SCUBE1: variants seen among roughly 807,000 people sequenced by gnomAD.
SCUBE1 encodes signal peptide, CUB domain and EGF like domain containing 1.
A neutral mutation model predicts 124.4 loss-of-function variants in SCUBE1; 59 were observed. The observed-to-expected ratio is 0.47, with a 90% CI of 0.38 to 0.59. The LOEUF is 0.59. SCUBE1 is among the 20% of genes least tolerant of loss of function. The probability of loss-of-function intolerance (pLI) is 0.00; values close to 1 mark genes in which losing one functional copy is unlikely to be tolerated. For synonymous variants in SCUBE1, 545 were observed against 550.9 expected, an observed-to-expected ratio of 0.99 and a Z score of 0.15; for missense variants, 1,150 against 1,371.2, an observed-to-expected ratio of 0.84 and a Z score of 2.55.
At chr22:43,207,418 T>C in intron 21 of SCUBE1, 116 bp downstream of exon 21, 1 of 790,436 alleles carries the variant, frequency 1.3e-6, no homozygotes. Context: ...TCCTCTCCCA[T>C]CACCACCCAC....
intron 4 of SCUBE1, among the ~76,000 whole-genome samples, chr22:43,277,001 A>T (rs975131075): frequency 2.6e-5 from 4 of 152,200 alleles, no homozygotes; most frequent in African/African-American, 9.7e-5. Flanking sequence ...GTCCAAGGGC[A>T]TATCCTCACT....
At chr22:43,304,201 A>G (rs1460277796) in intron 3 of SCUBE1, among the ~76,000 whole-genome samples, 2 of 152,244 alleles carry the variant, frequency 1.3e-5, no homozygotes, top group African/African-American at 4.8e-5. Context: ...CCTGCCGTAC[A>G]GCATCTGCAC....
intron 7 of SCUBE1, among the ~76,000 whole-genome samples, chr22:43,235,350 G>A (rs1922716552): frequency 6.6e-6 from 1 of 152,086 alleles, no homozygotes; most frequent in Non-Finnish European, 1.5e-5. Flanking sequence ...CTCACGTGGG[G>A]GACCATGTAG....
intron 4 of SCUBE1, among the ~76,000 whole-genome samples, chr22:43,286,738 C>T (rs572953232): frequency 3.9e-5 from 6 of 152,272 alleles, no homozygotes; most frequent in African/African-American, 1.4e-4. Context: ...GACCATGCCT[C>T]GGATCCTAGG....
In SCUBE1 at chr22:43,198,049, A is replaced by C. The variant is rs76738300; in HGVS notation, c.*5948T>G. ...TGATTCCCAAATCCAGGGACTACCA[A>C]CTCTTTGCCTTGGGCATGTCCTGTG... is the stretch of plus-strand genomic sequence containing the variant. On this transcript the variant is annotated 3_prime_UTR_variant, in exon 22 of 22. Transcript: ENST00000360835. 6,156 of 154,408 alleles carry C rather than the reference A, an allele frequency of 0.04. 163 individuals carry two copies. Among genetic ancestry groups the C allele is most frequent in the South Asian group, 0.089 (441 of 4,956 alleles). 9.6% of individuals were successfully genotyped at this position (154,408 alleles called of 1,614,324 possible).
chr22:43,265,836 A>G (rs1012667713), intron 4 of SCUBE1, among the ~76,000 whole-genome samples: 1 of 152,258 alleles, frequency 6.6e-6, no homozygotes, highest in Admixed American at 6.5e-5. Context: ...ATGGTGGCTC[A>G]CGCCTGTAAT....
At chr22:43,222,427 G>A (rs999063544) in intron 12 of SCUBE1, among the ~76,000 whole-genome samples, 5 of 152,350 alleles carry the variant, frequency 3.3e-5, no homozygotes, top group African/African-American at 1.2e-4. Flanking sequence ...GCCCTCCCAC[G>A]GTCCCCTGAC....
At chr22:43,254,000 A>G (rs751764208) in intron 6 of SCUBE1, among the ~76,000 whole-genome samples, 1 of 152,160 alleles carries the variant, frequency 6.6e-6, no homozygotes, top group Non-Finnish European at 1.5e-5. Flanking sequence ...GCACTGACTC[A>G]TGCCTGCCTG....
Position 43,200,715 on chromosome 22 carries a change from G to A in SCUBE1, c.*3282C>T, listed in dbSNP as rs1020771667. 6.6e-6 allele frequency: 1 copy of A among 152,346 alleles called. No homozygotes were observed. The highest frequency in any genetic ancestry group is 1.5e-5 in the Non-Finnish European group (1 of 68,120). The allele number at this position is 152,346 out of a possible 1,614,324, so 9.4% of individuals were successfully genotyped here. A position where few individuals can be genotyped will look rare whatever the true frequency, so the allele number is the denominator to read the frequency against. On this transcript the variant is annotated 3_prime_UTR_variant, in exon 22 of 22. Coordinates refer to ENST00000360835, the MANE Select transcript of SCUBE1 (RefSeq NM_173050.5). ...TCAGATGGTGTGGGAGGCCCAGTGGGGCTGCTGGCGACCTCGCGCTCCTCA... is the reference window on the plus strand; with the variant it reads ...TCAGATGGTGTGGGAGGCCCAGTGGAGCTGCTGGCGACCTCGCGCTCCTCA...
chr22:43,205,537 C>G (rs13057470), intron 21 of SCUBE1, among the ~76,000 whole-genome samples: 5,968 of 151,842 alleles, frequency 0.039, 144 homozygotes, highest in South Asian at 0.058. Flanking sequence ...TGGGGTGGAC[C>G]TGTCCTGGCA....
At chr22:43,233,106 T>C (rs1056453936) in intron 7 of SCUBE1, among the ~76,000 whole-genome samples, 2 of 152,230 alleles carry the variant, frequency 1.3e-5, no homozygotes, top group African/African-American at 4.8e-5. Flanking sequence ...GGCTCATGCC[T>C]GTAATCCCAG....
intron 6 of SCUBE1, among the ~76,000 whole-genome samples, chr22:43,249,746 C>G (rs1923366369): frequency 6.6e-6 from 1 of 152,250 alleles, no homozygotes; most frequent in African/African-American, 2.4e-5. Context: ...CCTCTCTTCT[C>G]CCCCTGCCAG....
intron 16 of SCUBE1, 75 bp from the exon 17 acceptor site, chr22:43,212,667 C>T (rs138989): frequency 0.14 from 210,831 of 1,456,984 alleles, 16,356 homozygotes; most frequent in African/African-American, 0.19. Context: ...TCTCAGGCCC[C>T]GCTCTTGGCC....
chr22:43,320,606 G>A (rs1926511126), intron 2 of SCUBE1, among the ~76,000 whole-genome samples: 1 of 152,208 alleles, frequency 6.6e-6, no homozygotes. Flanking sequence ...GAGTTCCAGA[G>A]AGATTTGAGA....
At position 43,241,373 on chromosome 22, in the gene SCUBE1, C is replaced by T. The variant is rs147338090; in HGVS notation, c.728-2419G>A. 9.2e-3 allele frequency among the ~76,000 whole-genome samples: 1,396 copies of T among 152,222 alleles called. 18 individuals carry two copies. Among genetic ancestry groups the T allele is most frequent in the African/African-American group, 0.032 (1,321 of 41,522 alleles). The stretch of plus-strand genomic sequence containing the variant: ...CCCAGCCTCGTGGCTCCTGTGCCCT[C>T]CTCTTCCCTGAAGAGGATCCGGTAC... On this transcript the variant is annotated intron_variant, in intron 6 of 21. Coordinates refer to ENST00000360835, the MANE Select transcript of SCUBE1 (RefSeq NM_173050.5).
At chr22:43,266,509 G>A (rs1054720603) in intron 4 of SCUBE1, among the ~76,000 whole-genome samples, 2 of 152,198 alleles carry the variant, frequency 1.3e-5, no homozygotes, top group Non-Finnish European at 2.9e-5. Flanking sequence ...AACCACAGAA[G>A]GTCAGGGTTG....
intron 4 of SCUBE1, among the ~76,000 whole-genome samples, chr22:43,289,262 T>C (rs1408640963): frequency 6.6e-6 from 1 of 152,232 alleles, no homozygotes; most frequent in Non-Finnish European, 1.5e-5. Flanking sequence ...CTGCTTCTTA[T>C]ACAACCTGTT....
Position 43,293,427 on chromosome 22 carries a change from G to A in SCUBE1, c.350-2247C>T, listed in dbSNP as rs1230312183. ...CCTGCGGTCTGGCTGCAGAACACGC[G>A]CCTTTGGCCCCAGGCTAAGCTGGCT... On this transcript the variant is annotated intron_variant, in intron 3 of 21. Transcript: ENST00000360835. Among the ~76,000 whole-genome samples, 8 of 152,316 alleles carry A rather than the reference G, an allele frequency of 5.3e-5. No homozygotes were observed. In the South Asian group the frequency reaches 6.2e-4, roughly 12 times the overall value.
At chr22:43,253,004 A>G (rs1923515813) in intron 6 of SCUBE1, among the ~76,000 whole-genome samples, 1 of 149,952 alleles carries the variant, frequency 6.7e-6, no homozygotes, top group Non-Finnish European at 1.5e-5. Flanking sequence ...CAGGATGGGA[A>G]CGGTCACCTC....
Sources: allele counts gnomAD v4.1 joint callset (sites outside exome capture counted in the v4.1 genomes callset), GRCh38; gene constraint gnomAD v4.1.1; transcripts MANE v1.5; gene names NCBI Gene and HGNC (gene_info 2026-07-23, HGNC 2026-07-21).